C2CD5: variants seen among roughly 807,000 people sequenced by gnomAD.
The protein encoded by C2CD5 is C2 calcium dependent domain containing 5, also known as C2 domain-containing protein 5.
In C2CD5, 109 loss-of-function variants were observed where a neutral mutation model predicts 130.3. That is an observed-to-expected ratio of 0.84 (90% CI 0.72 to 0.98). The LOEUF (loss-of-function observed/expected upper bound fraction) is 0.98, where lower values mean the gene tolerates loss of function less well. Among genes scored for constraint, C2CD5 ranks in the 50% least tolerant of loss-of-function variants. The pLI is 0.00. For synonymous variants in C2CD5, 454 were observed against 429.2 expected (o/e 1.06, Z -0.71); for missense variants, 996 against 1,261.8 (o/e 0.79, Z 3.19).
chr12:22,525,758 T>G (rs1285081213), intron 4 of C2CD5, 53 bp from the exon 5 acceptor site: 1 of 840,768 alleles, frequency 1.2e-6, no homozygotes, highest in African/African-American at 1.7e-5. Flanking sequence ...TAATGTACAA[T>G]TAAATAATGA....
At chr12:22,462,138 AC>A (rs1427274410) in intron 22 of C2CD5, among the ~76,000 whole-genome samples, 2 of 152,230 alleles carry the variant, frequency 1.3e-5, no homozygotes, top group Admixed American at 1.3e-4. Flanking sequence ...AAGAAATAAA[AC>A]AACATGCAGT....
intron 22 of C2CD5, among the ~76,000 whole-genome samples, chr12:22,464,617 G>GT (rs1258391340): frequency 1.3e-5 from 2 of 151,946 alleles, no homozygotes; most frequent in African/African-American, 2.4e-5. Context: ...GTTAGTTTCT[G>GT]TTTTTTGCAT....
intron 9 of C2CD5, chr12:22,512,771 GC>G: frequency 1.2e-6 from 1 of 829,952 alleles, no homozygotes; most frequent in Non-Finnish European, 1.8e-6. Context: ...AACAAATATA[GC>G]TAAATCTCAA....
intron 25 of C2CD5, among the ~76,000 whole-genome samples, chr12:22,455,046 A>C (rs1939528781): frequency 6.6e-6 from 1 of 152,178 alleles, no homozygotes; most frequent in African/African-American, 2.4e-5. Flanking sequence ...GGAAATTTCC[A>C]ACTTTAAACT....
intron 12 of C2CD5, among the ~76,000 whole-genome samples, chr12:22,488,342 T>C (rs1945848747): frequency 6.6e-6 from 1 of 152,090 alleles, no homozygotes; most frequent in Non-Finnish European, 1.5e-5. Context: ...GATGGCAATC[T>C]AGCATCATTT....
In C2CD5 at chr12:22,449,099, CT is replaced by C. The variant is rs1937995613; in HGVS notation, c.*660del. 6.6e-6 allele frequency: 1 copy of C among 152,090 alleles called. No individual in the cohort carries two copies. The highest frequency in any genetic ancestry group is 1.5e-5 in the Non-Finnish European group (1 of 67,990). 9.4% of individuals were successfully genotyped at this position (152,090 alleles called of 1,614,324 possible). A position where few individuals can be genotyped will look rare whatever the true frequency, so the allele number is the denominator to read the frequency against. On this transcript the variant is annotated 3_prime_UTR_variant, in exon 27 of 27. Transcript: ENST00000446597. Reference sequence around the variant, plus strand: ...GCCAGTTATAAAATTATATAATAATCTTTTCCTCCCTCCTTAGAGACAGTAT... The same window carrying C: ...GCCAGTTATAAAATTATATAATAATCTTTCCTCCCTCCTTAGAGACAGTAT...
At chr12:22,510,292 C>T (rs987548864) in intron 9 of C2CD5, among the ~76,000 whole-genome samples, 6 of 146,892 alleles carry the variant, frequency 4.1e-5, no homozygotes, top group African/African-American at 1.6e-4. Context: ...TCAGGAACTG[C>T]AGAAGAAATT....
At chr12:22,456,157 T>C (rs1006190169) in intron 25 of C2CD5, among the ~76,000 whole-genome samples, 1 of 152,192 alleles carries the variant, frequency 6.6e-6, no homozygotes, top group African/African-American at 2.4e-5. Context: ...TAAGAAAGTA[T>C]AGAAATACTG....
intron 7 of C2CD5, 83 bp downstream of exon 7, chr12:22,523,340 CCTA>C (rs1400400835): frequency 1.0e-6 from 1 of 995,434 alleles, no homozygotes; most frequent in Non-Finnish European, 1.5e-6. Flanking sequence ...GTTGAACAAC[CCTA>C]CTAAAATGTT....
chr12:22,474,625 TATA>T (rs1943562467), intron 16 of C2CD5, 123 bp downstream of exon 16: 1 of 606,668 alleles, frequency 1.6e-6, no homozygotes, highest in Non-Finnish European at 2.5e-6. Context: ...TGTATTTTTA[TATA>T]ATAACTTTTT....
intron 4 of C2CD5, among the ~76,000 whole-genome samples, chr12:22,527,151 A>G (rs548423940): frequency 2.0e-5 from 3 of 152,142 alleles, no homozygotes; most frequent in Non-Finnish European, 4.4e-5. Flanking sequence ...TGTTTTAGAA[A>G]CACAGTATCA....
chr12:22,526,837 T>G lies in C2CD5; in HGVS notation c.349+884A>C, dbSNP rs368273359. On this transcript the variant is annotated intron_variant, in intron 4 of 26. Transcript: ENST00000446597. Reference sequence around the variant, plus strand: ...CCTGACTTCATGTCAAATTCATACTTATGGTGGAAGACTTAAGAAAACTGA... The same window carrying G: ...CCTGACTTCATGTCAAATTCATACTGATGGTGGAAGACTTAAGAAAACTGA... Among the ~76,000 whole-genome samples the G allele has an allele frequency of 2.8e-4, 42 of 152,336 alleles. No individual in the cohort carries two copies. In the South Asian group the frequency reaches 8.7e-3, roughly 32 times the overall value.
chr12:22,478,045 TCACA>T (rs1041787938), intron 15 of C2CD5: 6 of 392,590 alleles, frequency 1.5e-5, no homozygotes, highest in Non-Finnish European at 2.4e-5. Context: ...ACACACACAC[TCACA>T]AAGATAAGAG....
At position 22,472,461 on chromosome 12, in the gene C2CD5, T is replaced by C. The variant is rs548400337; in HGVS notation, c.2108-114A>G. On this transcript the variant is annotated intron_variant, in intron 17 of 26. Coordinates refer to ENST00000446597, the MANE Select transcript of C2CD5 (RefSeq NM_001286176.2). ...TAACTATAACACCCTTCATTTTTTT[T>C]CTTCTAAAACTATACCTGCAGGAGA... is the stretch of plus-strand genomic sequence containing the variant. 3 of 658,994 alleles carry C rather than the reference T, an allele frequency of 4.6e-6. No homozygotes were observed. In the Admixed American group the frequency reaches 9.6e-5, roughly 21 times the overall value. 40.8% of individuals were successfully genotyped at this position (658,994 alleles called of 1,614,324 possible). A position where few individuals can be genotyped will look rare whatever the true frequency, so the allele number is the denominator to read the frequency against.
At chr12:22,471,362 T>A (rs1942999147) in intron 20 of C2CD5, 37 bp downstream of exon 20, 3 of 1,067,498 alleles carry the variant, frequency 2.8e-6, no homozygotes, top group Non-Finnish European at 4.3e-6. Flanking sequence ...ATAAAACAGA[T>A]CAGATAAAGA....
chr12:22,452,116 A>C (rs1318357359), intron 26 of C2CD5, among the ~76,000 whole-genome samples: 4 of 152,152 alleles, frequency 2.6e-5, no homozygotes, highest in African/African-American at 9.7e-5. Context: ...CAAAACTACA[A>C]ATCTCAATCT....
chr12:22,466,616 C>A (rs1942124167), intron 22 of C2CD5, among the ~76,000 whole-genome samples: 2 of 152,116 alleles, frequency 1.3e-5, no homozygotes, highest in Admixed American at 6.6e-5. Flanking sequence ...TTTTCCAAAA[C>A]ATTTTGAGAT....
chr12:22,493,355 A>C lies in C2CD5; in HGVS notation c.1148-18T>G. 2.1e-6 allele frequency: 3 copies of C among 1,414,920 alleles called. No homozygotes were observed. The highest frequency in any genetic ancestry group is 3.0e-6 in the Non-Finnish European group (3 of 1,003,324). 87.6% of individuals were successfully genotyped at this position (1,414,920 alleles called of 1,614,324 possible). On this transcript the variant is annotated intron_variant, in intron 10 of 26. Coordinates refer to ENST00000446597, the MANE Select transcript of C2CD5 (RefSeq NM_001286176.2). The stretch of plus-strand genomic sequence containing the variant: ...TGGTTCATCTGAAAAATAAATTTTA[A>C]ATCAGTTTATTACTCAATAGCACAT...
chr12:22,501,123 C>T lies in C2CD5; in HGVS notation c.1147+5588G>A, dbSNP rs199635015. ...AAAATCAGTTGTTTCTGAAGATATA[C>T]TAAGTCTTACCAGAAAGATTCTAAT... On this transcript the variant is annotated intron_variant, in intron 10 of 26. Transcript: ENST00000446597. Among the ~76,000 whole-genome samples, 6 of 152,236 alleles carry T rather than the reference C, an allele frequency of 3.9e-5. No individual in the cohort carries two copies. The East Asian group carries it at 7.7e-4, about 20-fold the overall frequency.
Sources: gnomAD v4.1 joint callset for allele counts (sites outside exome capture counted in the v4.1 genomes callset) on GRCh38, gnomAD v4.1.1 for gene constraint, MANE v1.5 for transcripts, NCBI Gene and HGNC (gene_info 2026-07-23, HGNC 2026-07-21) for gene names.